WDR76: variants seen among roughly 807,000 people sequenced by gnomAD.
The protein encoded by WDR76 is WD repeat-containing protein 76.
In WDR76, 52 loss-of-function variants were observed where a neutral mutation model predicts 70.2. The observed-to-expected ratio is 0.74, with a 90% CI of 0.59 to 0.93. The LOEUF (loss-of-function observed/expected upper bound fraction) is 0.93. Ranked by LOEUF, WDR76 falls within the 40% of genes least tolerant of loss-of-function variation. WDR76 has a pLI of 0.00. For missense variants in WDR76, 756 were observed against 760.2 expected (o/e 0.99, Z 0.07); for synonymous variants, 292 against 271.1 (o/e 1.08, Z -0.76).
intron 8 of WDR76, among the ~76,000 whole-genome samples, chr15:43,844,659 C>A (rs1284378939): frequency 6.6e-6 from 1 of 151,376 alleles, no homozygotes; most frequent in African/African-American, 2.4e-5. Context: ...CCTGTAATCC[C>A]AGCACTTTGG....
At chr15:43,849,562 G>A (rs2087830967) in intron 8 of WDR76, among the ~76,000 whole-genome samples, 2 of 150,952 alleles carry the variant, frequency 1.3e-5, no homozygotes, top group South Asian at 2.1e-4. Context: ...TTTTTGAGAC[G>A]GAGTCTCGCT....
At chr15:43,859,170 A>G (rs2087966881) in intron 11 of WDR76, among the ~76,000 whole-genome samples, 1 of 152,218 alleles carries the variant, frequency 6.6e-6, no homozygotes, top group Non-Finnish European at 1.5e-5. Flanking sequence ...CTATTCTGCA[A>G]GTGAAGTGCT....
chr15:43,858,683 T>C lies in WDR76; in HGVS notation c.1422T>C (p.Ile474=), dbSNP rs774428548. The part of the protein sequence containing the change: ...FITAGLRDTH[I]YDARRLNSRR... ...TCTCCCATTACAGGGATACTCATAT[T>C]TATGATGCAAGGCGATTGAATTCCA... Residue 474 remains isoleucine (I), a synonymous_variant, in exon 11 of 13, where the codon ATT becomes ATC. Transcript: ENST00000263795. 1 of 1,613,992 alleles carries C rather than the reference T, an allele frequency of 6.2e-7. No homozygotes were observed. The highest frequency in any genetic ancestry group is 8.5e-7 in the Non-Finnish European group (1 of 1,179,938).
rs2087950916 is a variant in WDR76, at chr15:43,857,996, ACT to A, written c.1410-671_1410-670del. Among the ~76,000 whole-genome samples, 3 of 114,902 alleles carry A rather than the reference ACT, an allele frequency of 2.6e-5. No homozygotes were observed. In the South Asian group the frequency reaches 7.8e-4, roughly 30 times the overall value. 75.4% of individuals were successfully genotyped at this position (114,902 alleles called of 152,430 possible). A position where few individuals can be genotyped will look rare whatever the true frequency, so the allele number is the denominator to read the frequency against. ...TTTTTTTTTTTTGAGATGGAATCTT[ACT>A]CTCAGCTCACTGCAACCTCCGCCTC... On this transcript the variant is annotated intron_variant, in intron 10 of 12. Coordinates refer to ENST00000263795, the MANE Select transcript of WDR76 (RefSeq NM_024908.4).
chr15:43,835,015 T>G, intron 2 of WDR76, 46 bp from the exon 3 acceptor site: 1 of 1,531,020 alleles, frequency 6.5e-7, no homozygotes, highest in Non-Finnish European at 9.0e-7. Context: ...GTGCTTTTCC[T>G]GTAGATTATA....
chr15:43,848,082 C>CA (rs56937893), intron 8 of WDR76, among the ~76,000 whole-genome samples: 23,240 of 146,626 alleles, frequency 0.16, 2,347 homozygotes, highest in African/African-American at 0.28. Context: ...AACAAACAAA[C>CA]AAAAAAAAAA....
At chr15:43,865,106 T>A (rs1415466914) in intron 12 of WDR76, among the ~76,000 whole-genome samples, 2 of 145,054 alleles carry the variant, frequency 1.4e-5, no homozygotes, top group Admixed American at 6.9e-5. Flanking sequence ...ATTTTTATTT[T>A]TTTTTTTGAG....
rs2087539407 is a variant in WDR76, at chr15:43,828,107, A to G, written c.203A>G (p.Lys68Arg). ...NYQLDQLMCP[K>R]SLSEKNSNNE... ...CAGCTAGACCAGCTTATGTGCCCCA[A>G]ATCCCTATCAGAAAAGAATTCTAAC... The change falls in exon 2 of 13, where the codon AAA becomes AGA. Residue 68 changes from lysine (K) to arginine (R), a missense_variant. Transcript: ENST00000263795. 2 of 1,614,192 alleles carry G rather than the reference A, an allele frequency of 1.2e-6. No homozygotes were observed. The highest frequency in any genetic ancestry group is 4.5e-5 in the East Asian group (2 of 44,884).
At chr15:43,857,905 T>C (rs1361445927) in intron 10 of WDR76, among the ~76,000 whole-genome samples, 1 of 150,968 alleles carries the variant, frequency 6.6e-6, no homozygotes, top group East Asian at 1.9e-4. Context: ...TCTAGTATTG[T>C]ACTTGTTATC....
chr15:43,859,084 T>C (rs557445267), intron 11 of WDR76, among the ~76,000 whole-genome samples: 12 of 152,292 alleles, frequency 7.9e-5, no homozygotes, highest in Non-Finnish European at 1.6e-4. Flanking sequence ...CTTTAAGCAC[T>C]GAAGAATCCC....
intron 3 of WDR76, 133 bp downstream of exon 3, chr15:43,835,283 A>G (rs1277335063): frequency 4.6e-6 from 3 of 652,032 alleles, no homozygotes; most frequent in Non-Finnish European, 7.7e-6. Context: ...CCTGGGTAAC[A>G]TACGGAGACC....
chr15:43,857,500 T>C, intron 10 of WDR76: 5 of 985,422 alleles, frequency 5.1e-6, no homozygotes, highest in Non-Finnish European at 6.0e-6. Context: ...TGTTAACTTT[T>C]TTCTAGGAAG....
Position 43,867,117 on chromosome 15 carries a change from G to A in WDR76, c.*725G>A, listed in dbSNP as rs563634598. The A allele has an allele frequency of 6.6e-6, 1 of 152,196 alleles. No homozygotes were observed. The highest frequency in any genetic ancestry group is 1.5e-5 in the Non-Finnish European group (1 of 68,036). 9.4% of individuals were successfully genotyped at this position (152,196 alleles called of 1,614,324 possible). ...CTGGAAGGGGACCCGGAAAGGTAAT[G>A]TAACTCAGTGATTTTAAAACTTGAT... On this transcript the variant is annotated 3_prime_UTR_variant, in exon 13 of 13. Transcript: ENST00000263795.
chr15:43,841,201 G>GTTTTTTTTTTTTT (rs910565504), intron 5 of WDR76, among the ~76,000 whole-genome samples: 51 of 102,214 alleles, frequency 5.0e-4, no homozygotes, highest in Non-Finnish European at 7.9e-4. Flanking sequence ...TTGTTTTTTT[G>GTTTTTTTTTTTTT]TTTTTTTTTT....
chr15:43,846,643 A>G, intron 8 of WDR76, among the ~76,000 whole-genome samples: 1 of 151,726 alleles, frequency 6.6e-6, no homozygotes, highest in Non-Finnish European at 1.5e-5. Context: ...GATTAAATGA[A>G]GGTTTTTTTT....
intron 11 of WDR76, among the ~76,000 whole-genome samples, chr15:43,859,540 C>G (rs1387780236): frequency 6.6e-6 from 1 of 152,174 alleles, no homozygotes; most frequent in Non-Finnish European, 1.5e-5. Context: ...TCACCAGGCT[C>G]CAGAATGGCA....
chr15:43,844,642 GCTCACGCCTGTA>G, intron 8 of WDR76, among the ~76,000 whole-genome samples: 1 of 151,348 alleles, frequency 6.6e-6, no homozygotes, highest in Non-Finnish European at 1.5e-5. Context: ...GGGAGCGGTG[GCTCACGCCTGTA>G]ATCCCAGCAC....
rs993236973 is a variant in WDR76 at position 43,848,613 on chromosome 15, G to A, written c.1033-2474G>A. Among the ~76,000 whole-genome samples the A allele has an allele frequency of 4.3e-4, 66 of 152,120 alleles. 1 individual carries two copies. The highest frequency in any genetic ancestry group is 3.1e-4 in the African/African-American group (13 of 41,426). On this transcript the variant is annotated intron_variant, in intron 8 of 12. Transcript: ENST00000263795. ...CACGGGAGTGGTAACACCCTCCACC[G>A]CCATACAAGTAGGTGGTATGAATCC...
chr15:43,832,743 GTTTTTTTTTTT>G (rs201304087), intron 2 of WDR76, among the ~76,000 whole-genome samples: 1 of 68,072 alleles, frequency 1.5e-5, no homozygotes, highest in South Asian at 6.6e-4. Context: ...GGCTTGCTTT[GTTTTTTTTTTT>G]TTTTTTTTTT....
Sources: allele counts gnomAD v4.1 joint callset (sites outside exome capture counted in the v4.1 genomes callset), GRCh38; gene constraint gnomAD v4.1.1; transcripts MANE v1.5; gene names NCBI Gene and HGNC (gene_info 2026-07-23, HGNC 2026-07-21).